The following JADE3 variants were observed in gnomAD, a reference collection of about 807,000 sequenced individuals.
JADE3 encodes the protein protein Jade-3.
JADE3 carries 2 observed loss-of-function variants against 50.1 expected under a neutral mutation model. That is an observed-to-expected ratio of 0.04 (90% CI 0.02 to 0.13). The LOEUF is 0.13. JADE3 is among the 10% of genes least tolerant of loss of function. JADE3 has a pLI of 1.00. For missense variants in JADE3, 475 were observed against 634.4 expected (o/e 0.75, Z 2.70); for synonymous variants, 218 against 232.9 (o/e 0.94, Z 0.58).
At chrX:46,979,966 G>A (rs1254215789) in intron 1 of JADE3, among the ~76,000 whole-genome samples, 2 of 93,492 alleles carry the variant, frequency 2.1e-5, no homozygotes, top group East Asian at 7.3e-4. Context: ...TGCAACCTCC[G>A]CCTCCCAGGT....
intron 1 of JADE3, among the ~76,000 whole-genome samples, chrX:46,954,122 C>G (rs1927065055): frequency 9.0e-6 from 1 of 111,659 alleles, no homozygotes; most frequent in Non-Finnish European, 1.9e-5. Context: ...AGGGCCCCAA[C>G]TGTGTCTCTG....
intron 4 of JADE3, among the ~76,000 whole-genome samples, chrX:47,003,833 T>A (rs868931191): frequency 0.01 from 1,028 of 101,749 alleles, 8 homozygotes; most frequent in Middle Eastern, 0.025. Flanking sequence ...TAAATTTATA[T>A]ATATTTATAA....
intron 7 of JADE3, among the ~76,000 whole-genome samples, chrX:47,038,080 C>T (rs1025762608): frequency 7.2e-5 from 8 of 111,694 alleles, no homozygotes; most frequent in Admixed American, 1.9e-4. Context: ...TTTCACTTGA[C>T]GTAATGACCT....
At chrX:46,951,811 G>T (rs1927012435) in intron 1 of JADE3, among the ~76,000 whole-genome samples, 1 of 110,196 alleles carries the variant, frequency 9.1e-6, no homozygotes, top group Non-Finnish European at 1.9e-5. Context: ...TTTTATTTCG[G>T]TTGTTTTTTC....
chrX:46,982,005 G>C (rs1189469195), intron 1 of JADE3, among the ~76,000 whole-genome samples: 1 of 111,287 alleles, frequency 9.0e-6, no homozygotes, highest in Admixed American at 9.6e-5. Flanking sequence ...TGAGTTTCCT[G>C]AATATGTAAA....
intron 3 of JADE3, among the ~76,000 whole-genome samples, chrX:46,997,517 C>G (rs782282403): frequency 9.1e-6 from 1 of 110,374 alleles, no homozygotes; most frequent in African/African-American, 3.3e-5. Context: ...GACCCTGTCT[C>G]AAAAAAATAA....
chrX:47,020,844 G>A (rs899005723), intron 4 of JADE3, among the ~76,000 whole-genome samples: 10 of 111,836 alleles, frequency 8.9e-5, no homozygotes, highest in African/African-American at 3.3e-4. Flanking sequence ...GCTGGGCACG[G>A]TGGCTCATGC....
chrX:46,975,612 T>C (rs1927598660), intron 1 of JADE3, among the ~76,000 whole-genome samples: 1 of 110,960 alleles, frequency 9.0e-6, no homozygotes, highest in African/African-American at 3.3e-5. Flanking sequence ...TCCTCTTTTG[T>C]GTGATAGGTC....
At chrX:46,957,819 T>A (rs1274115156) in intron 1 of JADE3, among the ~76,000 whole-genome samples, 3 of 112,290 alleles carry the variant, frequency 2.7e-5, no homozygotes, top group African/African-American at 9.7e-5. Flanking sequence ...AGAGTATGAA[T>A]GAACCTTATT....
At chrX:46,970,109 C>A in intron 1 of JADE3, among the ~76,000 whole-genome samples, 1 of 112,327 alleles carries the variant, frequency 8.9e-6, no homozygotes, top group East Asian at 2.8e-4. Flanking sequence ...GTAATGGGTG[C>A]AATTTGGACA....
chrX:46,922,748 T>C (rs1267324349), intron 1 of JADE3, among the ~76,000 whole-genome samples: 1 of 111,443 alleles, frequency 9.0e-6, no homozygotes, highest in African/African-American at 3.3e-5. Context: ...ATATTGTCTA[T>C]TTTTTACATT....
intron 1 of JADE3, among the ~76,000 whole-genome samples, chrX:46,982,496 C>T (rs1927777986): frequency 9.0e-6 from 1 of 111,442 alleles, no homozygotes; most frequent in Non-Finnish European, 1.9e-5. Flanking sequence ...TGTTTCTTTG[C>T]ATATCTCTTA....
chrX:46,947,849 C>G (rs1556343868), intron 1 of JADE3, among the ~76,000 whole-genome samples: 1 of 111,662 alleles, frequency 9.0e-6, no homozygotes, highest in Non-Finnish European at 1.9e-5. Context: ...CAGATTTAGT[C>G]AATATTCTAT....
intron 8 of JADE3, 74 bp from the exon 9 acceptor site, chrX:47,054,084 A>G (rs1556372801): frequency 2.2e-5 from 15 of 692,990 alleles, no homozygotes; most frequent in East Asian, 6.8e-5. Flanking sequence ...CAAGCTATCA[A>G]TTTAGGTCCA....
chrX:46,995,485 A>T (rs1556357203), intron 3 of JADE3, among the ~76,000 whole-genome samples: 1 of 111,559 alleles, frequency 9.0e-6, no homozygotes, highest in African/African-American at 3.3e-5. Context: ...CTGCAGAGTT[A>T]ACCTTTTTTG....
chrX:46,970,465 T>A (rs1439437404), intron 1 of JADE3, among the ~76,000 whole-genome samples: 1 of 111,728 alleles, frequency 9.0e-6, no homozygotes, highest in Non-Finnish European at 1.9e-5. Flanking sequence ...CTCTAATTGG[T>A]TTGTCACACA....
intron 3 of JADE3, among the ~76,000 whole-genome samples, chrX:46,986,154 G>A (rs1049067638): frequency 9.0e-6 from 1 of 111,591 alleles, no homozygotes; most frequent in African/African-American, 3.3e-5. Context: ...CTTCCAGCCA[G>A]CAGAACCATA....
intron 1 of JADE3, among the ~76,000 whole-genome samples, chrX:46,961,140 A>G (rs1927249813): frequency 8.9e-6 from 1 of 112,259 alleles, no homozygotes; most frequent in Non-Finnish European, 1.9e-5. Flanking sequence ...AAATAATATG[A>G]TAATGGACTA....
In JADE3 at chrX:47,033,771, G is replaced by T; in HGVS notation, c.838G>T (p.Ala280Ser). ...TGTKWAHVSC[A>S]LWIPEVSIAC... The stretch of plus-strand genomic sequence containing the variant: ...GACTAAATGGGCTCATGTCAGCTGT[G>T]CCCTGTGGATCCCAGAGGTAAGAAT... Residue 280 changes from alanine (A) to serine (S), a missense_variant, in exon 7 of 11, where the codon GCC becomes TCC. Transcript: ENST00000614628. 8.5e-7 allele frequency: 1 copy of T among 1,174,550 alleles called. No individual in the cohort carries two copies. Among genetic ancestry groups the T allele is most frequent in the Non-Finnish European group, 1.1e-6 (1 of 876,265 alleles).
Sources: gnomAD v4.1 joint callset for allele counts (sites outside exome capture counted in the v4.1 genomes callset) on GRCh38, gnomAD v4.1.1 for gene constraint, MANE v1.5 for transcripts, NCBI Gene and HGNC (gene_info 2026-07-23, HGNC 2026-07-21) for gene names.